TTC28: variants seen among roughly 807,000 people sequenced by gnomAD.
TTC28 encodes the protein tetratricopeptide repeat protein 28.
A neutral mutation model predicts 198.0 loss-of-function variants in TTC28; 61 were observed. That is an observed-to-expected ratio of 0.31 (90% CI 0.25 to 0.38). The LOEUF (loss-of-function observed/expected upper bound fraction) is 0.38, where lower values mean the gene tolerates loss of function less well. TTC28 is among the 10% of genes least tolerant of loss of function. The pLI is 1.00. For missense variants in TTC28, 2,678 were observed against 3,164.0 expected, an observed-to-expected ratio of 0.85 and a Z score of 3.69; for synonymous variants, 1,171 against 1,297.8, an observed-to-expected ratio of 0.90 and a Z score of 2.10.
intron 5 of TTC28, among the ~76,000 whole-genome samples, chr22:28,219,463 G>A (rs886848655): frequency 4.0e-5 from 6 of 151,420 alleles, no homozygotes; most frequent in Middle Eastern, 3.4e-3. Flanking sequence ...AGCCAAGATC[G>A]CACCATTGCA....
intron 5 of TTC28, among the ~76,000 whole-genome samples, chr22:28,288,603 C>T (rs2044731264): frequency 6.6e-6 from 1 of 151,486 alleles, no homozygotes; most frequent in Non-Finnish European, 1.5e-5. Flanking sequence ...GTCAGGATAT[C>T]AAGACCATCC....
At chr22:28,102,554 T>C (rs1432349554) in intron 8 of TTC28, among the ~76,000 whole-genome samples, 2 of 152,164 alleles carry the variant, frequency 1.3e-5, no homozygotes, top group Non-Finnish European at 2.9e-5. Flanking sequence ...CTGCTCACTG[T>C]ACATAGAAGC....
chr22:28,343,703 A>T (rs1019459477), intron 2 of TTC28, among the ~76,000 whole-genome samples: 8 of 152,196 alleles, frequency 5.3e-5, no homozygotes, highest in Non-Finnish European at 1.2e-4. Context: ...ATCTATAAAC[A>T]TCTACTGGAG....
chr22:28,011,338 G>C (rs539320594), intron 14 of TTC28, among the ~76,000 whole-genome samples: 22 of 152,194 alleles, frequency 1.4e-4, no homozygotes, highest in Admixed American at 3.3e-4. Flanking sequence ...GTTCACGCCC[G>C]TAATGCCAAC....
chr22:28,279,658 C>A (rs922288496), intron 5 of TTC28, among the ~76,000 whole-genome samples: 1 of 152,152 alleles, frequency 6.6e-6, no homozygotes, highest in African/African-American at 2.4e-5. Context: ...GTGTGAGACA[C>A]CACAACAGGC....
intron 2 of TTC28, among the ~76,000 whole-genome samples, chr22:28,621,119 C>T (rs948381966): frequency 3.3e-5 from 5 of 152,164 alleles, no homozygotes; most frequent in Non-Finnish European, 7.3e-5. Flanking sequence ...GTGTCTTCAA[C>T]ATTATTGAGC....
At chr22:28,663,328 A>T (rs1480305867) in intron 1 of TTC28, among the ~76,000 whole-genome samples, 2 of 150,034 alleles carry the variant, frequency 1.3e-5, no homozygotes, top group Non-Finnish European at 3.0e-5. Flanking sequence ...TCCGGTCTAC[A>T]GCTCCCAGCG....
At chr22:28,527,221 T>C (rs573362109) in intron 2 of TTC28, among the ~76,000 whole-genome samples, 3 of 152,272 alleles carry the variant, frequency 2.0e-5, no homozygotes, top group African/African-American at 7.2e-5. Context: ...TCAACACAGA[T>C]ACTGCACATT....
At chr22:28,623,187 A>G (rs2051027835) in intron 2 of TTC28, among the ~76,000 whole-genome samples, 1 of 152,118 alleles carries the variant, frequency 6.6e-6, no homozygotes, top group Non-Finnish European at 1.5e-5. Context: ...CCTCAGCTCA[A>G]AGAATCCTCC....
intron 7 of TTC28, among the ~76,000 whole-genome samples, chr22:28,106,209 G>A (rs981504333): frequency 6.6e-6 from 1 of 152,114 alleles, no homozygotes; most frequent in African/African-American, 2.4e-5. Context: ...GCACTCTGTG[G>A]GTGAAGATTT....
chr22:28,140,467 A>C (rs2146986727), intron 6 of TTC28, among the ~76,000 whole-genome samples: 1 of 152,348 alleles, frequency 6.6e-6, no homozygotes, highest in East Asian at 1.9e-4. Context: ...AGCCTCTGGA[A>C]GACATGACCT....
Position 28,297,767 on chromosome 22 carries a change from T to C in TTC28, c.615A>G (p.Glu205=), listed in dbSNP as rs774872196. 6.4e-7 allele frequency: 1 copy of C among 1,551,518 alleles called. No homozygotes were observed. Among genetic ancestry groups the C allele is most frequent in the African/African-American group, 1.4e-5 (1 of 73,088 alleles). ...PFVVVSVVGQ[E]LLTAGHHGAS... is the part of the protein sequence containing the mutation. ...CCCCATGATGGCCAGCTGTCAGGAG[T>C]TCCTGCCCAACCACAGACACGACCA... Residue 205 remains glutamate, a synonymous_variant, in exon 4 of 23, where the codon GAA becomes GAG. Transcript: ENST00000397906.
At chr22:28,373,355 T>C (rs561581642) in intron 2 of TTC28, among the ~76,000 whole-genome samples, 436 of 152,176 alleles carry the variant, frequency 2.9e-3, no homozygotes, top group South Asian at 5.2e-3. Context: ...CTTACAAGCA[T>C]CCAGTGTTTT....
chr22:28,021,542 G>C (rs376563496), intron 13 of TTC28, among the ~76,000 whole-genome samples: 4 of 152,196 alleles, frequency 2.6e-5, no homozygotes, highest in Non-Finnish European at 4.4e-5. Context: ...TGAGCTGCAG[G>C]GGGGGAATTC....
chr22:28,376,667 G>A (rs931089742), intron 2 of TTC28, among the ~76,000 whole-genome samples: 6 of 152,176 alleles, frequency 3.9e-5, no homozygotes, highest in African/African-American at 1.2e-4. Context: ...CTCCAGCTCT[G>A]GGAAGGGGAA....
chr22:28,604,297 T>TATATATATATATATATATATATATA (rs1053139903), intron 2 of TTC28, among the ~76,000 whole-genome samples: 96 of 113,970 alleles, frequency 8.4e-4, no homozygotes, highest in South Asian at 1.7e-3. Flanking sequence ...AAAAAAAAAA[T>TATATATATATATATATATATATATA]TATATATATA....
In TTC28 at chr22:28,407,764, T is replaced by C. The variant is rs193152175; in HGVS notation, c.382-101121A>G. Among the ~76,000 whole-genome samples the C allele has an allele frequency of 6.6e-5, 10 of 152,346 alleles. No individual in the cohort carries two copies. The East Asian group carries it at 1.9e-3, about 29-fold the overall frequency. On this transcript the variant is annotated intron_variant, in intron 2 of 22. Coordinates refer to ENST00000397906, the MANE Select transcript of TTC28 (RefSeq NM_001145418.2). ...TGAATACAGGGATAGAATCACTCGC[T>C]GACAAATTCTTATCTCCCCTATTTT...
chr22:28,063,747 C>T (rs1190595224), intron 12 of TTC28, among the ~76,000 whole-genome samples: 1 of 152,122 alleles, frequency 6.6e-6, no homozygotes, highest in Admixed American at 6.6e-5. Flanking sequence ...ATAACACAGT[C>T]CAGGGCCTTT....
chr22:28,532,451 G>C (rs778867843), intron 2 of TTC28, among the ~76,000 whole-genome samples: 1 of 152,198 alleles, frequency 6.6e-6, no homozygotes, highest in Admixed American at 6.6e-5. Flanking sequence ...GGACCAGACA[G>C]ATTCACAGCC....
Sources: gnomAD v4.1 joint callset for allele counts (sites outside exome capture counted in the v4.1 genomes callset) on GRCh38, gnomAD v4.1.1 for gene constraint, MANE v1.5 for transcripts, NCBI Gene and HGNC (gene_info 2026-07-23, HGNC 2026-07-21) for gene names.